FBXL2: variants seen among roughly 807,000 people sequenced by gnomAD.
FBXL2 encodes the protein F-box/LRR-repeat protein 2.
Under a neutral mutation model 69.2 loss-of-function variants are expected in FBXL2, and 38 were observed. That is an observed-to-expected ratio of 0.55 (90% CI 0.42 to 0.72). FBXL2 has a LOEUF of 0.72. Among genes scored for constraint, FBXL2 ranks in the 30% least tolerant of loss-of-function variants. FBXL2 has a pLI of 0.00. For synonymous variants in FBXL2, 192 were observed against 201.3 expected (o/e 0.95, Z 0.39); for missense variants, 354 against 520.3 (o/e 0.68, Z 3.11).
intron 1 of FBXL2, among the ~76,000 whole-genome samples, chr3:33,281,362 A>G (rs2033983207): frequency 6.6e-6 from 1 of 152,168 alleles, no homozygotes; most frequent in African/African-American, 2.4e-5. Flanking sequence ...TGTCCTTGCA[A>G]AGGACATGAA....
At chr3:33,392,645 A>G, downstream of FBXL2, 2 of 1,572,686 alleles carry the variant, frequency 1.3e-6, no homozygotes, top group Non-Finnish European at 1.7e-6. Context: ...CGTAAGTACA[A>G]TTAAGATCCA....
intron 1 of FBXL2, among the ~76,000 whole-genome samples, chr3:33,278,891 A>C (rs1458745839): frequency 6.6e-6 from 1 of 152,194 alleles, no homozygotes; most frequent in Non-Finnish European, 1.5e-5. Context: ...AAGCCCTAAC[A>C]ATTGTAGCAA....
At chr3:33,324,275 T>G (rs2038495645) in intron 2 of FBXL2, among the ~76,000 whole-genome samples, 1 of 152,234 alleles carries the variant, frequency 6.6e-6, no homozygotes, top group Non-Finnish European at 1.5e-5. Flanking sequence ...TGATGATAGC[T>G]TCTTTTGCTG....
At position 33,290,169 on chromosome 3, in the gene FBXL2, C is replaced by A. The variant is rs2035078108; in HGVS notation, c.4-7495C>A. Among the ~76,000 whole-genome samples, 3 of 152,180 alleles carry A rather than the reference C, an allele frequency of 2.0e-5. No homozygotes were observed. In the South Asian group the frequency reaches 6.2e-4, roughly 32 times the overall value. On this transcript the variant is annotated intron_variant, in intron 1 of 14. Coordinates refer to ENST00000484457, the MANE Select transcript of FBXL2 (RefSeq NM_012157.5). ...AGCTCAGAGATCTGTGAAGCTTCAA[C>A]AGTGCTCAGATTTTAGCTTCTCCTG... is the stretch of plus-strand genomic sequence containing the variant.
At chr3:33,396,095 T>C in intron 12 of FBXL2, 1 of 1,397,922 alleles carries the variant, frequency 7.2e-7, no homozygotes, top group Non-Finnish European at 9.8e-7. Flanking sequence ...GCCTGCTCAA[T>C]CGAGTCCTTT....
intron 1 of FBXL2, among the ~76,000 whole-genome samples, chr3:33,278,574 G>T (rs757505589): frequency 6.6e-6 from 1 of 152,144 alleles, no homozygotes; most frequent in Admixed American, 6.6e-5. Context: ...AGGAATCCTG[G>T]CTGGCTCAGT....
chr3:33,345,488 C>T (rs1050646663), intron 2 of FBXL2, among the ~76,000 whole-genome samples: 5 of 152,082 alleles, frequency 3.3e-5, no homozygotes, highest in South Asian at 2.1e-4. Context: ...AATATACAGA[C>T]CAGACTTTCT....
chr3:33,335,119 T>TAAG (rs967768016), intron 2 of FBXL2, among the ~76,000 whole-genome samples: 13 of 148,982 alleles, frequency 8.7e-5, no homozygotes, highest in South Asian at 2.1e-4. Context: ...ATAATAATAA[T>TAAG]AAGAAGAAGA....
intron 2 of FBXL2, among the ~76,000 whole-genome samples, chr3:33,345,597 A>G (rs1286049186): frequency 6.6e-6 from 1 of 152,218 alleles, no homozygotes; most frequent in Non-Finnish European, 1.5e-5. Flanking sequence ...ACAACAAAAT[A>G]CACATTCCTC....
intron 1 of FBXL2, among the ~76,000 whole-genome samples, chr3:33,292,783 T>A (rs1363332552): frequency 1.3e-5 from 2 of 150,960 alleles, no homozygotes; most frequent in Non-Finnish European, 3.0e-5. Flanking sequence ...TTATGTTGTC[T>A]GCAAGAGACC....
At chr3:33,299,321 C>T (rs1247849002) in intron 2 of FBXL2, among the ~76,000 whole-genome samples, 1 of 152,122 alleles carries the variant, frequency 6.6e-6, no homozygotes, top group Non-Finnish European at 1.5e-5. Flanking sequence ...GGATTACAGG[C>T]GTGAGCCACT....
chr3:33,306,328 T>C (rs961686154), intron 2 of FBXL2, among the ~76,000 whole-genome samples: 1 of 152,112 alleles, frequency 6.6e-6, no homozygotes, highest in Non-Finnish European at 1.5e-5. Flanking sequence ...ACAAATATCC[T>C]TGTAGACACC....
chr3:33,378,173 A>C, intron 12 of FBXL2, 26 bp downstream of exon 12: 1 of 1,611,750 alleles, frequency 6.2e-7, no homozygotes, highest in Non-Finnish European at 8.5e-7. Context: ...ACAGCCCTGC[A>C]GGGCAGCCTG....
intron 12 of FBXL2, chr3:33,400,371 T>TA (rs1007484196): frequency 1.3e-5 from 13 of 994,472 alleles, no homozygotes; most frequent in Non-Finnish European, 1.9e-5. Flanking sequence ...GAGTCTGAAG[T>TA]AAAAAACACC....
At chr3:33,388,398 CAAAG>C (rs1176352438), downstream of FBXL2, 5 of 152,440 alleles carry the variant, frequency 3.3e-5, no homozygotes, top group African/African-American at 4.8e-5. Context: ...ATTAAAAAAA[CAAAG>C]TAACAAATTT....
intron 1 of FBXL2, among the ~76,000 whole-genome samples, chr3:33,297,202 T>G (rs1427200051): frequency 6.6e-6 from 1 of 152,204 alleles, no homozygotes; most frequent in African/African-American, 2.4e-5. Flanking sequence ...GGATGTTCAT[T>G]GCTACTATGT....
At chr3:33,382,369 C>T (rs1159908495) in intron 13 of FBXL2, among the ~76,000 whole-genome samples, 1 of 152,144 alleles carries the variant, frequency 6.6e-6, no homozygotes, top group African/African-American at 2.4e-5. Context: ...ATCATGACCC[C>T]GGAAAGGCCC....
At chr3:33,297,617 T>C in intron 1 of FBXL2, 47 bp from the exon 2 acceptor site, 1 of 1,210,840 alleles carries the variant, frequency 8.3e-7, no homozygotes, top group Non-Finnish European at 1.2e-6. Flanking sequence ...TTTTTCCACA[T>C]TGATTAAAGA....
intron 13 of FBXL2, among the ~76,000 whole-genome samples, chr3:33,382,069 G>A (rs1189890508): frequency 4.6e-5 from 7 of 152,128 alleles, no homozygotes; most frequent in Non-Finnish European, 1.0e-4. Context: ...GTACTGCAAT[G>A]TCTTAGATTT....
Sources: gnomAD v4.1 joint callset for allele counts (sites outside exome capture counted in the v4.1 genomes callset) on GRCh38, gnomAD v4.1.1 for gene constraint, MANE v1.5 for transcripts, NCBI Gene and HGNC (gene_info 2026-07-23, HGNC 2026-07-21) for gene names.